TET3: variants seen among roughly 807,000 people sequenced by gnomAD.
TET3 encodes the protein tet methylcytosine dioxygenase 3.
In TET3, 19 loss-of-function variants were observed where a neutral mutation model predicts 141.4. The ratio of observed to expected loss-of-function variants is 0.13; its 90% CI spans 0.09 to 0.20. The LOEUF (loss-of-function observed/expected upper bound fraction) is 0.20. Among genes scored for constraint, TET3 ranks in the 10% least tolerant of loss-of-function variants. The probability of loss-of-function intolerance (pLI) is 1.00; values close to 1 mark genes in which losing one functional copy is unlikely to be tolerated. For missense variants in TET3, 1,874 were observed against 2,356.9 expected (o/e 0.80, Z 4.24); for synonymous variants, 1,043 against 980.9 (o/e 1.06, Z -1.18).
chr2:74,040,548 T>G (rs1165067705), intron 3 of TET3, among the ~76,000 whole-genome samples: 1 of 152,082 alleles, frequency 6.6e-6, no homozygotes, highest in East Asian at 1.9e-4. Flanking sequence ...ACAAGCTGAC[T>G]CTCAGTGGGC....
At position 74,100,736 on chromosome 2, in the gene TET3, G is replaced by A. The variant is rs1187036240; in HGVS notation, c.3948G>A (p.Glu1316=). The change falls in exon 12 of 12, where the codon GAG becomes GAA. Residue 1316 remains glutamate (E), a synonymous_variant. Transcript: ENST00000409262. ...ACAGTGGCAGCAGTGGCAGTTTTGA[G>A]AAGAAGCCAGACCTCCACGCTCTGC... ...WGHSGSSGSF[E]KKPDLHALHN... 1.9e-6 allele frequency: 3 copies of A among 1,613,900 alleles called. No individual in the cohort carries two copies. The Admixed American group carries it at 5.0e-5, about 27-fold the overall frequency.
In TET3 at chr2:74,008,408, T is replaced by C. The variant is rs370025297; in HGVS notation, c.360+5242T>C. Among the ~76,000 whole-genome samples the C allele has an allele frequency of 2.8e-4, 43 of 152,332 alleles. 1 individual carries two copies. In the South Asian group the frequency reaches 8.1e-3, roughly 29 times the overall value. ...TGCATGCCTTGGAGGAAGAGAACAG[T>C]TGGGGAGGAAGCCAAGTCTCCTGTA... On this transcript the variant is annotated intron_variant, in intron 3 of 11. Coordinates refer to ENST00000409262, the MANE Select transcript of TET3 (RefSeq NM_001287491.2).
the TET3 span, among the ~76,000 whole-genome samples, chr2:74,116,046 G>A: frequency 1.3e-5 from 2 of 150,902 alleles, no homozygotes; most frequent in Non-Finnish European, 1.5e-5. Context: ...GGGGGTGGCG[G>A]GGGAATAATC....
chr2:74,111,837 T>G (rs1233486792), downstream of TET3, among the ~76,000 whole-genome samples: 1 of 152,150 alleles, frequency 6.6e-6, no homozygotes, highest in Non-Finnish European at 1.5e-5. Context: ...TTCTGTACCT[T>G]AAGACCCACA....
intron 4 of TET3, among the ~76,000 whole-genome samples, chr2:74,061,571 C>T (rs1214806955): frequency 4.1e-5 from 6 of 145,836 alleles, no homozygotes; most frequent in African/African-American, 1.0e-4. Flanking sequence ...ACCTCCCGGA[C>T]GGGGCGGCTG....
At chr2:74,050,785 C>G (rs2103727443) in intron 4 of TET3, among the ~76,000 whole-genome samples, 1 of 152,098 alleles carries the variant, frequency 6.6e-6, no homozygotes, top group Non-Finnish European at 1.5e-5. Flanking sequence ...CTCCTGGGCT[C>G]AAGCGATCCT....
chr2:74,056,471 T>C (rs1688218390), intron 4 of TET3, among the ~76,000 whole-genome samples: 1 of 152,168 alleles, frequency 6.6e-6, no homozygotes, highest in African/African-American at 2.4e-5. Flanking sequence ...ACGAGCACTT[T>C]CTCAAAAATT....
intron 3 of TET3, among the ~76,000 whole-genome samples, chr2:74,026,682 CTTATTT>C (rs1686379900): frequency 6.6e-6 from 1 of 150,534 alleles, no homozygotes; most frequent in South Asian, 2.1e-4. Flanking sequence ...CTTTGTCTCA[CTTATTT>C]TTATTTTATT....
intron 5 of TET3, among the ~76,000 whole-genome samples, chr2:74,074,875 T>C (rs542369042): frequency 7.6e-6 from 1 of 131,374 alleles, no homozygotes; most frequent in Admixed American, 7.1e-5. Context: ...GTTTGTTTGT[T>C]TTGTTTGTTT....
chr2:74,035,932 C>T (rs1687028676), intron 3 of TET3, among the ~76,000 whole-genome samples: 1 of 150,008 alleles, frequency 6.7e-6, no homozygotes, highest in Non-Finnish European at 1.5e-5. Flanking sequence ...GTACAAGAAT[C>T]ATTGAGCCCG....
chr2:74,077,762 A>G (rs11892794), intron 5 of TET3, among the ~76,000 whole-genome samples: 4,927 of 152,292 alleles, frequency 0.032, 279 homozygotes, highest in African/African-American at 0.11. Context: ...AAGTGGTGGC[A>G]GTGTCCTCAG....
chr2:73,984,200 GGA>G (rs1683882728), upstream of TET3, among the ~76,000 whole-genome samples: 2 of 152,220 alleles, frequency 1.3e-5, no homozygotes, highest in Admixed American at 1.3e-4. The surrounding 1 kb of genome is among the most constrained non-coding windows in gnomAD (Gnocchi z 5.6). Flanking sequence ...CCCTCCTCTG[GGA>G]GGCAGGGCGG....
At chr2:74,063,404 A>G (rs1436328670) in intron 4 of TET3, among the ~76,000 whole-genome samples, 2 of 152,170 alleles carry the variant, frequency 1.3e-5, no homozygotes, top group Admixed American at 6.5e-5. Flanking sequence ...CCAGTTCCCC[A>G]TCAATCTTTA....
chr2:73,988,505 G>T (rs954010215), intron 2 of TET3, among the ~76,000 whole-genome samples: 1 of 152,182 alleles, frequency 6.6e-6, no homozygotes, highest in African/African-American at 2.4e-5. Flanking sequence ...GTGAGGCCAG[G>T]ACCTTGTCAT....
intron 4 of TET3, among the ~76,000 whole-genome samples, chr2:74,071,771 G>GT (rs1161060191): frequency 6.6e-6 from 1 of 152,196 alleles, no homozygotes; most frequent in Non-Finnish European, 1.5e-5. Context: ...TACACACTGT[G>GT]TGTATAGTTT....
At chr2:73,990,499 C>T (rs1156950417) in intron 2 of TET3, among the ~76,000 whole-genome samples, 1 of 152,098 alleles carries the variant, frequency 6.6e-6, no homozygotes, top group East Asian at 1.9e-4. Context: ...ACCAAGGAGT[C>T]ACTATGGTCC....
intron 2 of TET3, among the ~76,000 whole-genome samples, chr2:74,002,144 C>T (rs1250352310): frequency 6.6e-6 from 1 of 152,138 alleles, no homozygotes; most frequent in Non-Finnish European, 1.5e-5. Context: ...GCTCAGAGTC[C>T]CGGCTCTGCT....
At chr2:74,061,181 G>T (rs1558758213) in intron 4 of TET3, among the ~76,000 whole-genome samples, 1 of 146,942 alleles carries the variant, frequency 6.8e-6, no homozygotes, top group Non-Finnish European at 1.5e-5. Context: ...GGGGCGGCCG[G>T]CCGGGCGGGG....
At position 74,101,547 on chromosome 2, in the gene TET3, G is replaced by A. The variant is rs916502218; in HGVS notation, c.4759G>A (p.Gly1587Arg). Reference protein sequence around the residue: ...RAWQSFGLPLGSSEKLFGALK... With the variant: ...RAWQSFGLPLRSSEKLFGALK... Reference sequence around the variant, plus strand: ...CTGGCAGTCCTTTGGTCTGCCCCTGGGATCCAGCGAGAAGCTGTTTGGGGC... The same window carrying A: ...CTGGCAGTCCTTTGGTCTGCCCCTGAGATCCAGCGAGAAGCTGTTTGGGGC... The change falls in exon 12 of 12, where the codon GGA becomes AGA. Residue 1587 changes from glycine (G) to arginine (R), a missense_variant. Transcript: ENST00000409262. The surrounding 1 kb of genome is among the most constrained non-coding windows in gnomAD (Gnocchi z 8.5). 2 of 1,609,528 alleles carry A rather than the reference G, an allele frequency of 1.2e-6. No homozygotes were observed. Among genetic ancestry groups the A allele is most frequent in the African/African-American group, 2.7e-5 (2 of 74,854 alleles).
Sources: gnomAD v4.1 joint callset for allele counts (sites outside exome capture counted in the v4.1 genomes callset) on GRCh38, gnomAD v4.1.1 for gene constraint, Gnocchi (gnomAD v3.1) non-coding constraint, MANE v1.5 for transcripts, NCBI Gene and HGNC (gene_info 2026-07-23, HGNC 2026-07-21) for gene names.